USP25: variants seen among roughly 807,000 people sequenced by gnomAD.
The protein encoded by USP25 is ubiquitin carboxyl-terminal hydrolase 25.
Under a neutral mutation model 158.5 loss-of-function variants are expected in USP25, and 85 were observed. The observed-to-expected ratio is 0.54, with a 90% CI of 0.45 to 0.64. The LOEUF (loss-of-function observed/expected upper bound fraction) is 0.64. Among genes scored for constraint, USP25 ranks in the 30% least tolerant of loss-of-function variants. USP25 has a pLI of 0.00. For missense variants in USP25, 1,242 were observed against 1,327.3 expected, an observed-to-expected ratio of 0.94 and a Z score of 1.00; for synonymous variants, 464 against 460.4, an observed-to-expected ratio of 1.01 and a Z score of -0.10.
intron 3 of USP25, among the ~76,000 whole-genome samples, chr21:15,774,767 C>CT (rs1182062147): frequency 6.6e-6 from 1 of 152,102 alleles, no homozygotes; most frequent in Non-Finnish European, 1.5e-5. Flanking sequence ...CTAAAAGAAA[C>CT]TGGCTTGGCT....
At chr21:15,870,651 T>A (rs906145697) in intron 23 of USP25, among the ~76,000 whole-genome samples, 7 of 152,222 alleles carry the variant, frequency 4.6e-5, no homozygotes, top group African/African-American at 1.7e-4. Context: ...TACTTACATT[T>A]TAGGTTATTT....
rs115567152 is a variant in USP25, at chr21:15,776,365, A to C, written c.269-1539A>C. ...AAAAAAAACACCACCACTTCCTTCCATGATCAGGTATTCTTTCTCATATTT... is the reference window on the plus strand; with the variant it reads ...AAAAAAAACACCACCACTTCCTTCCCTGATCAGGTATTCTTTCTCATATTT... On this transcript the variant is annotated intron_variant, in intron 3 of 25. Transcript: ENST00000400183. Among the ~76,000 whole-genome samples the C allele has an allele frequency of 9.5e-3, 1,440 of 152,182 alleles. 20 individuals carry two copies. Among genetic ancestry groups the C allele is most frequent in the African/African-American group, 0.033 (1,371 of 41,506 alleles).
intron 9 of USP25, among the ~76,000 whole-genome samples, chr21:15,814,090 C>A (rs371219244): frequency 6.7e-6 from 1 of 149,722 alleles, no homozygotes; most frequent in Admixed American, 6.6e-5. Context: ...TCTTCCATGG[C>A]GGCGACAAGA....
intron 1 of USP25, among the ~76,000 whole-genome samples, chr21:15,737,035 T>C (rs1241356301): frequency 2.6e-5 from 4 of 152,134 alleles, no homozygotes; most frequent in Non-Finnish European, 5.9e-5. Flanking sequence ...TTAATGGTCC[T>C]GCCTAGGATT....
chr21:15,864,244 T>TA (rs2039559298), intron 20 of USP25, 24 bp from the exon 21 acceptor site: 1 of 1,588,106 alleles, frequency 6.3e-7, no homozygotes, highest in South Asian at 1.2e-5. Flanking sequence ...TAACCAAAAT[T>TA]ATCATTTTCA....
At chr21:15,844,966 A>G (rs1488617880) in intron 18 of USP25, among the ~76,000 whole-genome samples, 1 of 152,138 alleles carries the variant, frequency 6.6e-6, no homozygotes, top group Non-Finnish European at 1.5e-5. Flanking sequence ...CTGCTACTCA[A>G]TCGTATATTT....
At chr21:15,796,672 G>T (rs1462919401) in intron 5 of USP25, among the ~76,000 whole-genome samples, 2 of 151,346 alleles carry the variant, frequency 1.3e-5, no homozygotes, top group African/African-American at 4.8e-5. Flanking sequence ...GAATTTATTG[G>T]ATTAAGGCGA....
intron 1 of USP25, among the ~76,000 whole-genome samples, chr21:15,740,662 T>G (rs1174381532): frequency 3.8e-5 from 5 of 131,012 alleles, no homozygotes; most frequent in African/African-American, 1.5e-4. Context: ...TTTTTTTTTT[T>G]TTTTTTTTTT....
Position 15,805,243 on chromosome 21 carries a change from A to G in USP25, c.765A>G (p.Ser255=). The change falls in exon 7 of 26, where the codon TCA becomes TCG. Residue 255 remains serine, a synonymous_variant. Coordinates refer to ENST00000400183, the MANE Select transcript of USP25 (RefSeq NM_001283041.3). Reference sequence around the variant, plus strand: ...AAATTCTTAAGGATGCTTTCAAATCAAATGACTCACAGCAGGTAGTTCTGT... The same window carrying G: ...AAATTCTTAAGGATGCTTTCAAATCGAATGACTCACAGCAGGTAGTTCTGT... The part of the protein sequence containing the change: ...AVEILKDAFK[S]NDSQQQDVSE... 6.2e-7 allele frequency: 1 copy of G among 1,602,126 alleles called. No individual in the cohort carries two copies. Among genetic ancestry groups the G allele is most frequent in the Non-Finnish European group, 8.5e-7 (1 of 1,175,894 alleles).
rs2038413670 is a variant in USP25 at position 15,843,046 on chromosome 21, A to G, written c.2337+506A>G. Reference sequence around the variant, plus strand: ...AGAAGGATAAGTAGGATGTTGCAAAACTGTTTGTGAATATTTTAAGAACGT... The same window carrying G: ...AGAAGGATAAGTAGGATGTTGCAAAGCTGTTTGTGAATATTTTAAGAACGT... On this transcript the variant is annotated intron_variant, in intron 18 of 25. Coordinates refer to ENST00000400183, the MANE Select transcript of USP25 (RefSeq NM_001283041.3). This position sits in a 1 kb window ranked among gnomAD's most constrained non-coding sequence, Gnocchi z 4.0. Among the ~76,000 whole-genome samples, 1 of 152,070 alleles carries G rather than the reference A, an allele frequency of 6.6e-6. No homozygotes were observed. Among genetic ancestry groups the G allele is most frequent in the Admixed American group, 6.6e-5 (1 of 15,262 alleles).
chr21:15,874,576 C>A, intron 24 of USP25, 50 bp downstream of exon 24: 2 of 1,519,386 alleles, frequency 1.3e-6, no homozygotes, highest in East Asian at 2.3e-5. Flanking sequence ...TGACATTGGG[C>A]AAGTTTTCCA....
chr21:15,801,533 A>C (rs1197779256), intron 6 of USP25, among the ~76,000 whole-genome samples: 1 of 151,594 alleles, frequency 6.6e-6, no homozygotes, highest in Non-Finnish European at 1.5e-5. Flanking sequence ...AGCAGTACAC[A>C]CTATACCTTG....
At chr21:15,805,346 T>C (rs1208216803) in intron 7 of USP25, 88 bp downstream of exon 7, 2 of 1,246,866 alleles carry the variant, frequency 1.6e-6, no homozygotes, top group East Asian at 5.6e-5. Flanking sequence ...TGAGACTATT[T>C]GAGATGCATG....
chr21:15,786,897 A>G (rs1171981386), intron 4 of USP25, among the ~76,000 whole-genome samples: 2 of 152,120 alleles, frequency 1.3e-5, no homozygotes, highest in African/African-American at 2.4e-5. Flanking sequence ...AACTGCTACA[A>G]CTCATAAGTG....
At chr21:15,858,460 AT>A (rs570361374) in intron 20 of USP25, among the ~76,000 whole-genome samples, 11 of 146,566 alleles carry the variant, frequency 7.5e-5, no homozygotes, top group East Asian at 4.0e-4. Context: ...ATTTACTTCC[AT>A]TTTTTTTTTA....
chr21:15,742,028 A>T (rs181328127), intron 1 of USP25, among the ~76,000 whole-genome samples: 1 of 152,232 alleles, frequency 6.6e-6, no homozygotes, highest in Non-Finnish European at 1.5e-5. Context: ...GTTTGAAAAG[A>T]ACATAGTGCA....
chr21:15,820,167 G>A (rs2037160578), intron 10 of USP25, among the ~76,000 whole-genome samples: 1 of 152,056 alleles, frequency 6.6e-6, no homozygotes, highest in South Asian at 2.1e-4. Context: ...GAATAAGAAA[G>A]CAGACTCTTA....
intron 4 of USP25, among the ~76,000 whole-genome samples, chr21:15,788,997 G>T (rs1016599041): frequency 3.9e-5 from 6 of 151,966 alleles, no homozygotes; most frequent in Admixed American, 6.6e-5. Flanking sequence ...GTCTTGGTTC[G>T]TATCCCTAAC....
chr21:15,797,632 A>G (rs1439680420), intron 5 of USP25, among the ~76,000 whole-genome samples: 2 of 151,462 alleles, frequency 1.3e-5, no homozygotes, highest in Admixed American at 6.6e-5. Context: ...TCTATCTACA[A>G]TGGGAGCTCA....
Sources: gnomAD v4.1 joint callset for allele counts (sites outside exome capture counted in the v4.1 genomes callset) on GRCh38, gnomAD v4.1.1 for gene constraint, Gnocchi (gnomAD v3.1) non-coding constraint, MANE v1.5 for transcripts, NCBI Gene and HGNC (gene_info 2026-07-23, HGNC 2026-07-21) for gene names.